CEP83: variants seen among roughly 807,000 people sequenced by gnomAD.
The protein encoded by CEP83 is centrosomal protein 83.
Under a neutral mutation model 101.9 loss-of-function variants are expected in CEP83, and 70 were observed. That is an observed-to-expected ratio of 0.69 (90% CI 0.57 to 0.84). The LOEUF is 0.84. CEP83 is among the 40% of genes least tolerant of loss of function. The pLI is 0.00. For synonymous variants in CEP83, 264 were observed against 267.9 expected (o/e 0.99, Z 0.14); for missense variants, 715 against 787.2 (o/e 0.91, Z 1.10).
chr12:94,442,843 A>G (rs2066512120), intron 1 of CEP83, among the ~76,000 whole-genome samples: 1 of 152,156 alleles, frequency 6.6e-6, no homozygotes, highest in South Asian at 2.1e-4. Flanking sequence ...TATTTATAAC[A>G]AATTAATCCT....
At position 94,400,831 on chromosome 12, in the gene CEP83, C is replaced by T. The variant is rs1431950751; in HGVS notation, c.549+19G>A. 23 of 1,374,862 alleles carry T rather than the reference C, an allele frequency of 1.7e-5. No individual in the cohort carries two copies. Among genetic ancestry groups the T allele is most frequent in the East Asian group, 5.4e-5 (2 of 37,220 alleles). 85.2% of individuals were successfully genotyped at this position (1,374,862 alleles called of 1,614,324 possible). On this transcript the variant is annotated intron_variant, in intron 6 of 16. Coordinates refer to ENST00000397809, the MANE Select transcript of CEP83 (RefSeq NM_016122.3). ...TGACCAGAACAATAACAAAGAAACT[C>T]GTATAATCAATCACTTACCTCTGAT...
intron 1 of CEP83, among the ~76,000 whole-genome samples, chr12:94,443,057 A>C (rs2066528661): frequency 6.6e-6 from 1 of 152,086 alleles, no homozygotes; most frequent in Admixed American, 6.6e-5. Flanking sequence ...CGTCACTATA[A>C]CTCCTATGAT....
At chr12:94,289,082 G>A in the CEP83 span, among the ~76,000 whole-genome samples, 1 of 152,166 alleles carries the variant, frequency 6.6e-6, no homozygotes, top group Non-Finnish European at 1.5e-5. Flanking sequence ...TTAAACATAA[G>A]TTCAACCTTA....
chr12:94,309,368 A>T (rs1323897608), intron 16 of CEP83, among the ~76,000 whole-genome samples: 1 of 152,160 alleles, frequency 6.6e-6, no homozygotes. Flanking sequence ...GATTCCTTCA[A>T]TACCTCAGGG....
intron 12 of CEP83, 127 bp from the exon 13 acceptor site, chr12:94,333,766 G>C (rs1415312676): frequency 1.3e-6 from 1 of 777,512 alleles, no homozygotes; most frequent in African/African-American, 1.8e-5. Context: ...CCTTGGAGAT[G>C]ACCCCTAAAG....
At chr12:94,436,153 G>A (rs1456641115) in intron 1 of CEP83, among the ~76,000 whole-genome samples, 2 of 152,064 alleles carry the variant, frequency 1.3e-5, no homozygotes, top group African/African-American at 4.8e-5. Context: ...AAGTAATTCT[G>A]GTAATATGGC....
Position 94,309,934 on chromosome 12 carries a change from A to C in CEP83, c.1985T>G (p.Phe662Cys). 6.3e-7 allele frequency: 1 copy of C among 1,593,512 alleles called. No individual in the cohort carries two copies. Among genetic ancestry groups the C allele is most frequent in the Non-Finnish European group, 8.6e-7 (1 of 1,168,658 alleles). Reference sequence around the variant, plus strand: ...TGCTCATACCTGCATATGAGGAGGAAATGGTAGTTCCATGCTTGGAACCAT... The same window carrying C: ...TGCTCATACCTGCATATGAGGAGGACATGGTAGTTCCATGCTTGGAACCAT... The part of the protein sequence containing the change: ...SAMVPSMELP[F>C]PPHMQEEQHQ... Residue 662 changes from phenylalanine (F) to cysteine (C), a missense_variant, in exon 16 of 17, where the codon TTT (phenylalanine) becomes TGT (cysteine). Transcript: ENST00000397809.
At chr12:94,327,830 T>C (rs1184406422) in intron 14 of CEP83, among the ~76,000 whole-genome samples, 1 of 152,236 alleles carries the variant, frequency 6.6e-6, no homozygotes, top group East Asian at 1.9e-4. Context: ...CTAACTGGTC[T>C]CCTTGTCTTC....
At chr12:94,370,773 G>C (rs1261334413) in intron 8 of CEP83, among the ~76,000 whole-genome samples, 1 of 152,158 alleles carries the variant, frequency 6.6e-6, no homozygotes, top group Non-Finnish European at 1.5e-5. Context: ...GGAAGTGTTT[G>C]AGGCCTGGTG....
chr12:94,311,525 C>A (rs1969863310), intron 15 of CEP83, among the ~76,000 whole-genome samples: 1 of 152,136 alleles, frequency 6.6e-6, no homozygotes, highest in Admixed American at 6.5e-5. Context: ...ATGCTAAATC[C>A]AGGTAGACAG....
At chr12:94,383,511 T>C (rs942586821) in intron 6 of CEP83, among the ~76,000 whole-genome samples, 1 of 152,056 alleles carries the variant, frequency 6.6e-6, no homozygotes, top group Non-Finnish European at 1.5e-5. Flanking sequence ...ATAAACCCAT[T>C]GTTAAGTTGA....
At chr12:94,363,676 C>T (rs927175192) in intron 11 of CEP83, among the ~76,000 whole-genome samples, 7 of 151,958 alleles carry the variant, frequency 4.6e-5, no homozygotes, top group African/African-American at 1.7e-4. Flanking sequence ...AGGGCAGGTG[C>T]GGTGGCTCAC....
the CEP83 span, among the ~76,000 whole-genome samples, chr12:94,288,214 G>C: frequency 4.6e-5 from 7 of 152,312 alleles, no homozygotes; most frequent in African/African-American, 1.7e-4. Flanking sequence ...GGTGAATCTC[G>C]TGTCTGTGAG....
chr12:94,375,207 T>C (rs552944890), intron 8 of CEP83, among the ~76,000 whole-genome samples: 12 of 152,130 alleles, frequency 7.9e-5, no homozygotes, highest in African/African-American at 2.7e-4. Context: ...TTAAGAGCTA[T>C]GAAGCAGGTA....
intron 12 of CEP83, among the ~76,000 whole-genome samples, chr12:94,335,215 C>A (rs2059399647): frequency 1.3e-5 from 2 of 151,988 alleles, no homozygotes; most frequent in Admixed American, 6.6e-5. Context: ...GCAAAAAATA[C>A]CTCATGATAT....
intron 4 of CEP83, among the ~76,000 whole-genome samples, chr12:94,407,657 TAC>T (rs546467348): frequency 2.8e-4 from 43 of 152,228 alleles, no homozygotes; most frequent in African/African-American, 1.0e-3. Context: ...TAAAAACAAA[TAC>T]ACACATAATA....
chr12:94,379,961 G>A (rs2061747712), intron 6 of CEP83, among the ~76,000 whole-genome samples: 1 of 151,248 alleles, frequency 6.6e-6, no homozygotes, highest in Non-Finnish European at 1.5e-5. Context: ...TGATTCAGCT[G>A]GGTTTTTTGT....
At chr12:94,403,679 C>T (rs1444561639) in intron 4 of CEP83, among the ~76,000 whole-genome samples, 1 of 152,126 alleles carries the variant, frequency 6.6e-6, no homozygotes, top group Non-Finnish European at 1.5e-5. Context: ...TTTACTCTCA[C>T]ACTGTACCTA....
At chr12:94,432,252 C>T (rs1399182166) in intron 2 of CEP83, among the ~76,000 whole-genome samples, 1 of 151,260 alleles carries the variant, frequency 6.6e-6, no homozygotes, top group African/African-American at 2.4e-5. Context: ...TTAGTAGAGA[C>T]AGGGTTTCAC....
Sources: gnomAD v4.1 joint callset for allele counts (sites outside exome capture counted in the v4.1 genomes callset) on GRCh38, gnomAD v4.1.1 for gene constraint, MANE v1.5 for transcripts, NCBI Gene and HGNC (gene_info 2026-07-23, HGNC 2026-07-21) for gene names.